Variants in GOLM2 observed in about 807,000 individuals in gnomAD.
GOLM2 encodes golgi membrane protein 2.
Under a neutral mutation model 55.9 loss-of-function variants are expected in GOLM2, and 26 were observed. That is an observed-to-expected ratio of 0.47 (90% CI 0.34 to 0.65). The LOEUF is 0.65. Ranked by LOEUF, GOLM2 falls within the 30% of genes least tolerant of loss-of-function variation. The pLI is 0.01. For synonymous variants in GOLM2, 165 were observed against 194.6 expected (o/e 0.85, Z 1.27); for missense variants, 486 against 531.8 (o/e 0.91, Z 0.85).
intron 8 of GOLM2, 30 bp downstream of exon 8, chr15:44,381,006 A>C (rs777082576): frequency 1.4e-6 from 2 of 1,393,116 alleles, no homozygotes; most frequent in Non-Finnish European, 9.7e-7. Flanking sequence ...TATTATGCTA[A>C]AAATATTTCT....
chr15:44,338,808 T>C (rs1181102984), intron 6 of GOLM2, among the ~76,000 whole-genome samples: 1 of 152,192 alleles, frequency 6.6e-6, no homozygotes, highest in African/African-American at 2.4e-5. Flanking sequence ...TTTTTTCTTC[T>C]TTTCTGGCCA....
intron 8 of GOLM2, among the ~76,000 whole-genome samples, chr15:44,394,850 T>A (rs2079514160): frequency 6.6e-6 from 1 of 152,176 alleles, no homozygotes; most frequent in Admixed American, 6.6e-5. Context: ...ACCAAATGAA[T>A]AAATGAAAGT....
intron 6 of GOLM2, among the ~76,000 whole-genome samples, chr15:44,342,158 A>G (rs1235406469): frequency 1.3e-5 from 2 of 152,200 alleles, no homozygotes; most frequent in African/African-American, 4.8e-5. Context: ...CATTTTGTGT[A>G]AATTGATCGT....
At chr15:44,404,669 T>C (rs1595669689) in intron 9 of GOLM2, among the ~76,000 whole-genome samples, 1 of 152,270 alleles carries the variant, frequency 6.6e-6, no homozygotes, top group East Asian at 1.9e-4. Flanking sequence ...ACCAATTAGA[T>C]TGTAAGCTCT....
At chr15:44,300,541 T>A (rs977587234) in intron 1 of GOLM2, among the ~76,000 whole-genome samples, 5 of 152,208 alleles carry the variant, frequency 3.3e-5, no homozygotes, top group African/African-American at 1.2e-4. Flanking sequence ...GATTTAGTTG[T>A]GCAGAAAAAA....
chr15:44,383,287 CT>C (rs1363667132), intron 8 of GOLM2, among the ~76,000 whole-genome samples: 1 of 151,732 alleles, frequency 6.6e-6, no homozygotes, highest in Non-Finnish European at 1.5e-5. Flanking sequence ...ATTTCCTGTT[CT>C]TCCTACTTTG....
At position 44,360,158 on chromosome 15, in the gene GOLM2, A is replaced by C. The variant is rs1419522272; in HGVS notation, c.803-19532A>C. Among the ~76,000 whole-genome samples, 220 of 152,190 alleles carry C rather than the reference A, an allele frequency of 1.4e-3. 1 individual carries two copies. The highest frequency in any genetic ancestry group is 3.3e-3 in the South Asian group (16 of 4,822). On this transcript the variant is annotated intron_variant, in intron 6 of 9. Coordinates refer to ENST00000299957, the MANE Select transcript of GOLM2 (RefSeq NM_138423.4). ...AACTGCATCAACTAACGAGCAAAAT[A>C]ACCAGCTAACATCATAATGACAGGT...
intron 1 of GOLM2, among the ~76,000 whole-genome samples, chr15:44,316,951 A>G (rs947373079): frequency 2.0e-5 from 3 of 151,182 alleles, no homozygotes; most frequent in Admixed American, 6.6e-5. Flanking sequence ...GTGCTACTAC[A>G]CTCCACCCTG....
chr15:44,372,969 C>T (rs1386025783), intron 6 of GOLM2, among the ~76,000 whole-genome samples: 1 of 152,182 alleles, frequency 6.6e-6, no homozygotes, highest in Non-Finnish European at 1.5e-5. Context: ...CCTCCCCTGA[C>T]CAAACTATCT....
intron 6 of GOLM2, among the ~76,000 whole-genome samples, chr15:44,345,468 C>A (rs1316178607): frequency 6.6e-6 from 1 of 151,912 alleles, no homozygotes; most frequent in Non-Finnish European, 1.5e-5. Context: ...CTGTATTGCC[C>A]AGGCTGGTCT....
chr15:44,374,136 C>A lies in GOLM2; in HGVS notation c.803-5554C>A, dbSNP rs535287292. On this transcript the variant is annotated intron_variant, in intron 6 of 9. Coordinates refer to ENST00000299957, the MANE Select transcript of GOLM2 (RefSeq NM_138423.4). ...AAATAAATATATAAATAAATATTGTCAAATGATTAAATTTCTACACTGATA... is the reference window on the plus strand; with the variant it reads ...AAATAAATATATAAATAAATATTGTAAAATGATTAAATTTCTACACTGATA... 2.6e-5 allele frequency among the ~76,000 whole-genome samples: 4 copies of A among 152,016 alleles called. No homozygotes were observed. The South Asian group carries it at 8.3e-4, about 32-fold the overall frequency.
intron 6 of GOLM2, among the ~76,000 whole-genome samples, chr15:44,349,690 T>C (rs1157736043): frequency 6.6e-6 from 1 of 152,216 alleles, no homozygotes; most frequent in African/African-American, 2.4e-5. Flanking sequence ...AGAATACACA[T>C]TCTTCTCCTC....
chr15:44,338,201 A>G (rs1459886063), intron 5 of GOLM2, 36 bp from the exon 6 acceptor site: 6 of 1,581,670 alleles, frequency 3.8e-6, no homozygotes, highest in Non-Finnish European at 5.2e-6. Flanking sequence ...TATGTAAGAA[A>G]AACGATAGAA....
At chr15:44,314,745 T>A (rs1408132613) in intron 1 of GOLM2, among the ~76,000 whole-genome samples, 1 of 152,154 alleles carries the variant, frequency 6.6e-6, no homozygotes, top group Non-Finnish European at 1.5e-5. Flanking sequence ...GTCTAGTATA[T>A]ACACAGTAGT....
chr15:44,388,813 G>T (rs966130083), intron 8 of GOLM2, among the ~76,000 whole-genome samples: 1 of 151,902 alleles, frequency 6.6e-6, no homozygotes, highest in Non-Finnish European at 1.5e-5. Context: ...TGAGCCCAAT[G>T]AAAATTCATT....
chr15:44,382,558 C>G (rs1346638413), intron 8 of GOLM2, among the ~76,000 whole-genome samples: 2 of 152,076 alleles, frequency 1.3e-5, no homozygotes, highest in African/African-American at 4.8e-5. Flanking sequence ...ATCTTCTGAC[C>G]TCAGGTGATC....
intron 1 of GOLM2, 134 bp from the exon 2 acceptor site, chr15:44,322,831 G>A (rs1411488709): frequency 3.8e-6 from 2 of 519,824 alleles, no homozygotes; most frequent in Non-Finnish European, 3.5e-6. Context: ...ATTTTTTTTG[G>A]AAAGAGGTAG....
intron 6 of GOLM2, among the ~76,000 whole-genome samples, chr15:44,368,686 A>G (rs2141182294): frequency 6.6e-6 from 1 of 151,932 alleles, no homozygotes; most frequent in East Asian, 1.9e-4. Flanking sequence ...TAAATCCTTG[A>G]ACATATATAT....
In GOLM2 at chr15:44,289,382, AC is replaced by A; in HGVS notation, c.327+30del. 1.3e-6 allele frequency: 2 copies of A among 1,577,466 alleles called. No homozygotes were observed. The highest frequency in any genetic ancestry group is 1.7e-6 in the Non-Finnish European group (2 of 1,160,412). On this transcript the variant is annotated intron_variant, in intron 1 of 9. Transcript: ENST00000299957. The surrounding 1 kb of genome is among the most constrained non-coding windows in gnomAD (Gnocchi z 4.8). ...GTAAGGACGACCCTTTTCTCTTCAAACCCCATGGTTTCTTTTCTCCCCGGGG... is the reference window on the plus strand; with the variant it reads ...GTAAGGACGACCCTTTTCTCTTCAAACCCATGGTTTCTTTTCTCCCCGGGG...
Sources: gnomAD v4.1 joint callset for allele counts (sites outside exome capture counted in the v4.1 genomes callset) on GRCh38, gnomAD v4.1.1 for gene constraint, Gnocchi (gnomAD v3.1) non-coding constraint, MANE v1.5 for transcripts, NCBI Gene and HGNC (gene_info 2026-07-23, HGNC 2026-07-21) for gene names.